The following IRAG1 variants were observed in gnomAD, a reference collection of about 807,000 sequenced individuals.
IRAG1 encodes inositol 1,4,5-triphosphate receptor associated 1.
Under a neutral mutation model 106.2 loss-of-function variants are expected in IRAG1, and 62 were observed. The observed-to-expected ratio is 0.58, with a 90% confidence interval of 0.48 to 0.72. IRAG1 has a LOEUF of 0.72. Ranked by LOEUF, IRAG1 falls within the 30% of genes least tolerant of loss-of-function variation. IRAG1 has a pLI of 0.00. For synonymous variants in IRAG1, 462 were observed against 443.9 expected, an observed-to-expected ratio of 1.04 and a Z score of -0.51; for missense variants, 1,064 against 1,140.7, an observed-to-expected ratio of 0.93 and a Z score of 0.97.
chr11:10,597,428 C>T (rs1320206137), intron 15 of IRAG1, among the ~76,000 whole-genome samples: 2 of 152,190 alleles, frequency 1.3e-5, no homozygotes, highest in Non-Finnish European at 2.9e-5. Flanking sequence ...TGGGCTCAAG[C>T]GATCCTCCCA....
chr11:10,619,958 A>G (rs1265584040), intron 10 of IRAG1, among the ~76,000 whole-genome samples: 1 of 152,228 alleles, frequency 6.6e-6, no homozygotes, highest in Non-Finnish European at 1.5e-5. Context: ...TCTAAGATCC[A>G]TCTTATGCCC....
chr11:10,650,505 A>G (rs919605355), intron 2 of IRAG1, among the ~76,000 whole-genome samples: 2 of 152,200 alleles, frequency 1.3e-5, no homozygotes, highest in African/African-American at 4.8e-5. Context: ...CATTGTTAGT[A>G]AAGTAGAAGG....
At chr11:10,667,470 G>C (rs1054698520) in intron 1 of IRAG1, among the ~76,000 whole-genome samples, 20 of 152,146 alleles carry the variant, frequency 1.3e-4, no homozygotes, top group African/African-American at 4.8e-4. Context: ...GGAGGGAGCC[G>C]CTACTCAATG....
intron 8 of IRAG1, among the ~76,000 whole-genome samples, chr11:10,627,010 A>G (rs1016391656): frequency 2.0e-5 from 3 of 152,130 alleles, no homozygotes; most frequent in Admixed American, 6.5e-5. Flanking sequence ...GCTTTCAACA[A>G]TTTCTCAGAG....
At chr11:10,687,696 G>A in intron 1 of IRAG1, 3 of 1,288,422 alleles carry the variant, frequency 2.3e-6, no homozygotes, top group South Asian at 1.2e-5. Context: ...TCCTTGCGGT[G>A]TTTTTGGAGT....
chr11:10,600,885 G>A, intron 15 of IRAG1, 33 bp downstream of exon 15: 1 of 1,612,662 alleles, frequency 6.2e-7, no homozygotes, highest in East Asian at 2.2e-5. Flanking sequence ...CCACCTTGTA[G>A]GGCCAAGATG....
intron 2 of IRAG1, among the ~76,000 whole-genome samples, chr11:10,646,127 T>C (rs1485058738): frequency 1.3e-5 from 2 of 152,224 alleles, no homozygotes; most frequent in Non-Finnish European, 2.9e-5. Flanking sequence ...CTTCTGGAAC[T>C]CCCTGGCTGC....
intron 13 of IRAG1, 131 bp downstream of exon 13, chr11:10,604,274 C>T (rs1312343126): frequency 1.7e-6 from 2 of 1,167,124 alleles, no homozygotes; most frequent in Non-Finnish European, 2.4e-6. Flanking sequence ...CTGAGGAACA[C>T]TGTCAGAGTC....
At chr11:10,596,225 G>A (rs150507028) in intron 15 of IRAG1, among the ~76,000 whole-genome samples, 12 of 152,274 alleles carry the variant, frequency 7.9e-5, no homozygotes, top group East Asian at 3.9e-4. Flanking sequence ...TTCTTTCAGC[G>A]AGGGTCTATG....
Position 10,604,558 on chromosome 11 carries a change from AG to A in IRAG1, c.1603-14del. 6.2e-7 allele frequency: 1 copy of A among 1,614,014 alleles called. No individual in the cohort carries two copies. Among genetic ancestry groups the A allele is most frequent in the Non-Finnish European group, 8.5e-7 (1 of 1,179,868 alleles). ...GCACAAACACGTTCTGTTGGGAACA[AG>A]GGTGTGAGAGAGGTGCTGGGAGGAG... On this transcript the variant is annotated splice_polypyrimidine_tract_variant and intron_variant, in intron 12 of 20. Coordinates refer to ENST00000423302, the MANE Select transcript of IRAG1 (RefSeq NM_130385.4).
intron 1 of IRAG1, among the ~76,000 whole-genome samples, chr11:10,682,496 T>C (rs895937295): frequency 2.0e-5 from 3 of 152,160 alleles, no homozygotes; most frequent in African/African-American, 7.2e-5. Context: ...GCCTGAGAAA[T>C]AGTCTTCCTC....
chr11:10,640,238 T>C (rs1053207090), intron 2 of IRAG1, among the ~76,000 whole-genome samples: 1 of 152,118 alleles, frequency 6.6e-6, no homozygotes, highest in Admixed American at 6.5e-5. Flanking sequence ...AGGAGGACCA[T>C]GGCAGAGGTG....
intron 1 of IRAG1, among the ~76,000 whole-genome samples, chr11:10,667,452 G>T (rs1412035085): frequency 6.6e-6 from 1 of 152,212 alleles, no homozygotes; most frequent in African/African-American, 2.4e-5. Context: ...GGGGCCCCAG[G>T]ACAGGAGGGA....
intron 1 of IRAG1, among the ~76,000 whole-genome samples, chr11:10,673,576 T>C (rs1860422446): frequency 1.3e-5 from 2 of 152,178 alleles, no homozygotes. Context: ...TAGTTAGCCA[T>C]GATGGCTGCA....
chr11:10,624,601 A>G (rs1022000990), intron 9 of IRAG1, among the ~76,000 whole-genome samples: 2 of 147,020 alleles, frequency 1.4e-5, no homozygotes, highest in African/African-American at 2.7e-5. Flanking sequence ...GCACTTGGGA[A>G]TGGTTTGTCC....
chr11:10,607,531 C>T (rs1854576655), intron 11 of IRAG1, among the ~76,000 whole-genome samples: 1 of 152,220 alleles, frequency 6.6e-6, no homozygotes, highest in Admixed American at 6.5e-5. Flanking sequence ...GTGGCTGCTG[C>T]TCTTGCTGGT....
At chr11:10,623,329 C>A (rs1855982466) in intron 10 of IRAG1, among the ~76,000 whole-genome samples, 1 of 152,110 alleles carries the variant, frequency 6.6e-6, no homozygotes, top group African/African-American at 2.4e-5. Flanking sequence ...ATGGTTCTGG[C>A]AGAAGGTGGA....
intron 15 of IRAG1, chr11:10,595,610 CAG>C (rs1853212085): frequency 6.6e-6 from 1 of 152,208 alleles, no homozygotes; most frequent in Non-Finnish European, 1.5e-5. Flanking sequence ...TTGATTTCTA[CAG>C]AGAGTGCTTA....
chr11:10,644,278 A>G (rs962697406), intron 2 of IRAG1, among the ~76,000 whole-genome samples: 4 of 152,262 alleles, frequency 2.6e-5, no homozygotes, highest in South Asian at 2.1e-4. Context: ...CATCTAAAAA[A>G]TAGAGATAAT....
Sources: gnomAD v4.1 joint callset for allele counts (sites outside exome capture counted in the v4.1 genomes callset) on GRCh38, gnomAD v4.1.1 for gene constraint, MANE v1.5 for transcripts, NCBI Gene and HGNC (gene_info 2026-07-23, HGNC 2026-07-21) for gene names.